C4orf36: variants seen among roughly 807,000 people sequenced by gnomAD.
The protein encoded by C4orf36 is uncharacterized protein C4orf36.
C4orf36 carries 11 observed loss-of-function variants against 12.2 expected under a neutral mutation model. The observed-to-expected ratio is 0.90, with a 90% CI of 0.57 to 1.49. The LOEUF (loss-of-function observed/expected upper bound fraction) is 1.49. C4orf36 is among the 40% of genes most tolerant of loss of function. The probability of loss-of-function intolerance (pLI) is 0.00; values close to 1 mark genes in which losing one functional copy is unlikely to be tolerated. For missense variants in C4orf36, 137 were observed against 133.9 expected (o/e 1.02, Z -0.11); for synonymous variants, 54 against 51.3 (o/e 1.05, Z -0.22).
intron 1 of C4orf36, among the ~76,000 whole-genome samples, chr4:86,891,900 T>C (rs1560474671): frequency 6.6e-6 from 1 of 152,262 alleles, no homozygotes; most frequent in East Asian, 1.9e-4. Context: ...TGTCTGATCG[T>C]GGCAGTGCTG....
At chr4:86,888,365 T>A (rs1747265807) in intron 2 of C4orf36, 90 bp from the exon 3 acceptor site, 1 of 1,319,714 alleles carries the variant, frequency 7.6e-7, no homozygotes, top group African/African-American at 1.5e-5. Context: ...CAGTTCCATT[T>A]GCCACTAGAC....
At chr4:86,925,837 T>G in the C4orf36 span, 1 of 152,004 alleles carries the variant, frequency 6.6e-6, no homozygotes, top group African/African-American at 2.4e-5. Flanking sequence ...TATAAGAAAT[T>G]TAATGTTATT....
At chr4:86,908,164 AACATACAC>A in the C4orf36 span, among the ~76,000 whole-genome samples, 7 of 92,596 alleles carry the variant, frequency 7.6e-5, no homozygotes, top group African/African-American at 8.7e-5. Flanking sequence ...CTATACTTTC[AACATACAC>A]ACACACACAC....
the C4orf36 span, among the ~76,000 whole-genome samples, chr4:86,918,653 C>G: frequency 6.6e-6 from 1 of 152,058 alleles, no homozygotes; most frequent in Admixed American, 6.6e-5. Flanking sequence ...TGATTGATCC[C>G]AACTACCAAA....
At chr4:86,881,135 T>G (rs1011835503) in intron 4 of C4orf36, among the ~76,000 whole-genome samples, 2 of 121,910 alleles carry the variant, frequency 1.6e-5, no homozygotes, top group African/African-American at 6.3e-5. Flanking sequence ...TGGCATAGAA[T>G]CTAAAATACA....
chr4:86,931,150 C>T, the C4orf36 span, among the ~76,000 whole-genome samples: 1 of 152,220 alleles, frequency 6.6e-6, no homozygotes, highest in Admixed American at 6.5e-5. Flanking sequence ...ATGTAGTGCC[C>T]TTCACTATCA....
rs868679192 is a variant in C4orf36, at chr4:86,887,628, G to C, written c.*2+130C>G. 29 of 1,082,232 alleles carry C rather than the reference G, an allele frequency of 2.7e-5. No individual in the cohort carries two copies. The African/African-American group carries it at 2.8e-4, about 11-fold the overall frequency. The allele number at this position is 1,082,232 out of a possible 1,614,324, so 67.0% of individuals were successfully genotyped here. On this transcript the variant is annotated intron_variant, in intron 4 of 4. Transcript: ENST00000295898. ...TGTCAGAACTGGGTACTAACCCACA[G>C]CTGTGGGCAGTGGCCCATCCACCAG...
intron 2 of C4orf36, among the ~76,000 whole-genome samples, chr4:86,889,813 A>T (rs966398219): frequency 6.6e-6 from 1 of 152,310 alleles, no homozygotes; most frequent in South Asian, 2.1e-4. Context: ...GCTACAAAAG[A>T]GGCTGCGGCA....
At chr4:86,896,757 G>A (rs1319581110), upstream of C4orf36, among the ~76,000 whole-genome samples, 1 of 152,116 alleles carries the variant, frequency 6.6e-6, no homozygotes, top group Non-Finnish European at 1.5e-5. Context: ...TCCTAGATGC[G>A]TATCCGTTTG....
chr4:86,929,464 C>A, the C4orf36 span, among the ~76,000 whole-genome samples: 4 of 152,308 alleles, frequency 2.6e-5, no homozygotes, highest in Admixed American at 6.5e-5. Context: ...TCCTTTAGGG[C>A]CAACAGAAGA....
chr4:86,920,826 T>C, the C4orf36 span, among the ~76,000 whole-genome samples: 3 of 152,310 alleles, frequency 2.0e-5, no homozygotes, highest in African/African-American at 7.2e-5. Context: ...TACTGTTGTA[T>C]TGGGGATTAA....
intron 3 of C4orf36, 28 bp downstream of exon 3, chr4:86,888,093 T>G: frequency 1.2e-6 from 2 of 1,601,424 alleles, no homozygotes; most frequent in Non-Finnish European, 1.7e-6. Flanking sequence ...AATTTATAAC[T>G]TATTAAAGCA....
At chr4:86,904,619 A>G in the C4orf36 span, among the ~76,000 whole-genome samples, 5 of 147,420 alleles carry the variant, frequency 3.4e-5, no homozygotes, top group African/African-American at 1.2e-4. Flanking sequence ...GTAAGCTGGC[A>G]GCAGTGGTGT....
intron 2 of C4orf36, among the ~76,000 whole-genome samples, chr4:86,889,219 G>A (rs535751325): frequency 2.6e-5 from 4 of 151,880 alleles, no homozygotes; most frequent in South Asian, 2.1e-4. Flanking sequence ...GCATGGTGGC[G>A]GGCGCTTGTA....
the C4orf36 span, among the ~76,000 whole-genome samples, chr4:86,923,983 T>C: frequency 6.6e-6 from 1 of 152,190 alleles, no homozygotes; most frequent in African/African-American, 2.4e-5. Context: ...ATTTCTCTTT[T>C]CTTTGGTTCT....
intron 4 of C4orf36, chr4:86,886,911 C>T (rs1348536905): frequency 6.6e-6 from 1 of 152,174 alleles, no homozygotes; most frequent in African/African-American, 2.4e-5. Flanking sequence ...GGCACAAATG[C>T]ACCATGGAAT....
the C4orf36 span, among the ~76,000 whole-genome samples, chr4:86,909,893 TA>T: frequency 0.086 from 6,311 of 73,278 alleles, 289 homozygotes; most frequent in African/African-American, 0.19. Flanking sequence ...GAGGAAGACT[TA>T]AAAAAAAAAA....
At chr4:86,903,053 C>T in the C4orf36 span, among the ~76,000 whole-genome samples, 1 of 152,200 alleles carries the variant, frequency 6.6e-6, no homozygotes, top group African/African-American at 2.4e-5. Flanking sequence ...TGGTTAGCAG[C>T]TTTAGAGATA....
rs562600129 is a variant in C4orf36, at chr4:86,884,927, C to T, written c.*2+2831G>A. On this transcript the variant is annotated intron_variant, in intron 4 of 4. Transcript: ENST00000295898. ...GTTTCAGCTTTCTACATATGGCTAG[C>T]CAGTTTTCCCAGCACCATTTGTTAA... Among the ~76,000 whole-genome samples the T allele has an allele frequency of 2.0e-5, 3 of 152,274 alleles. No homozygotes were observed. The East Asian group carries it at 5.8e-4, about 29-fold the overall frequency.
Sources: gnomAD v4.1 joint callset for allele counts (sites outside exome capture counted in the v4.1 genomes callset) on GRCh38, gnomAD v4.1.1 for gene constraint, MANE v1.5 for transcripts, NCBI Gene and HGNC (gene_info 2026-07-23, HGNC 2026-07-21) for gene names.